Variants in GAB2 observed in about 807,000 individuals in gnomAD.
GAB2 encodes GRB2 associated binding protein 2, also known as GRB2-associated-binding protein 2.
Under a neutral mutation model 65.5 loss-of-function variants are expected in GAB2, and 26 were observed. That is an observed-to-expected ratio of 0.40 (90% confidence interval 0.29 to 0.55). GAB2 has a LOEUF of 0.55. Ranked by LOEUF, GAB2 falls within the 20% of genes least tolerant of loss-of-function variation. GAB2 has a pLI of 0.53. For synonymous variants in GAB2, 321 were observed against 329.6 expected (o/e 0.97, Z 0.28); for missense variants, 884 against 875.8 (o/e 1.01, Z -0.12).
At position 78,217,909 on chromosome 11, in the gene GAB2, G is replaced by A. The variant is rs1381280229; in HGVS notation, c.*1363C>T. On this transcript the variant is annotated 3_prime_UTR_variant, in exon 10 of 10. Coordinates refer to ENST00000361507, the MANE Select transcript of GAB2 (RefSeq NM_080491.3). ...CAGCCATGCCTGATGTGGTCCTCTA[G>A]GCATCATTCTGCCCTGCTTTCTCCT... The A allele has an allele frequency of 6.6e-6, 1 of 152,596 alleles. No homozygotes were observed. Among genetic ancestry groups the A allele is most frequent in the African/African-American group, 2.4e-5 (1 of 41,384 alleles). 9.5% of individuals were successfully genotyped at this position (152,596 alleles called of 1,614,324 possible).
At chr11:78,270,350 G>T (rs199973769) in intron 2 of GAB2, among the ~76,000 whole-genome samples, 1 of 145,836 alleles carries the variant, frequency 6.9e-6, no homozygotes, top group Non-Finnish European at 1.5e-5. Flanking sequence ...AAAAAAAAAA[G>T]AATAGTCAGT....
chr11:78,344,680 T>C (rs758751838), intron 1 of GAB2, among the ~76,000 whole-genome samples: 20 of 152,256 alleles, frequency 1.3e-4, no homozygotes, highest in Admixed American at 3.3e-4. Context: ...GTAAATGTTA[T>C]TCATCTACAC....
At chr11:78,405,667 T>C (rs755985201) in intron 1 of GAB2, among the ~76,000 whole-genome samples, 9 of 152,292 alleles carry the variant, frequency 5.9e-5, no homozygotes, top group Non-Finnish European at 1.2e-4. Flanking sequence ...AGATATTACA[T>C]ATAAAACAAG....
intron 1 of GAB2, among the ~76,000 whole-genome samples, chr11:78,374,856 G>A (rs1856613193): frequency 6.6e-6 from 1 of 152,114 alleles, no homozygotes. Context: ...AAGGTGGATG[G>A]GTAAGGAGGG....
rs112230254 is a variant in GAB2 at position 78,228,773 on chromosome 11, T to C, written c.621-1722A>G. On this transcript the variant is annotated intron_variant, in intron 3 of 9. Coordinates refer to ENST00000361507, the MANE Select transcript of GAB2 (RefSeq NM_080491.3). ...AGACACATAACCAAGCCAACAGCCATGGGCTTGGATGATTGAACATCTAGG... is the reference window on the plus strand; with the variant it reads ...AGACACATAACCAAGCCAACAGCCACGGGCTTGGATGATTGAACATCTAGG... Among the ~76,000 whole-genome samples, 432 of 135,398 alleles carry C rather than the reference T, an allele frequency of 3.2e-3. 2 individuals carry two copies. The highest frequency in any genetic ancestry group is 0.012 in the African/African-American group (400 of 34,646). The allele number at this position is 135,398 out of a possible 152,430, so 88.8% of individuals were successfully genotyped here.
chr11:78,298,426 C>T (rs1461648973), intron 1 of GAB2, among the ~76,000 whole-genome samples: 2 of 152,146 alleles, frequency 1.3e-5, no homozygotes, highest in Admixed American at 1.3e-4. Context: ...TTCTCTGCCT[C>T]TACCACATGA....
At chr11:78,260,774 T>C (rs1865708219) in intron 2 of GAB2, among the ~76,000 whole-genome samples, 1 of 152,210 alleles carries the variant, frequency 6.6e-6, no homozygotes, top group Non-Finnish European at 1.5e-5. Context: ...GCCCAGTCTA[T>C]GCCTTCTAAA....
chr11:78,307,594 CA>C (rs1200635729), intron 1 of GAB2, among the ~76,000 whole-genome samples: 1 of 92,822 alleles, frequency 1.1e-5, no homozygotes, highest in African/African-American at 5.7e-5. Flanking sequence ...CCCATCTCTA[CA>C]AAAAATGTTA....
At chr11:78,255,588 A>G (rs1339527222) in intron 2 of GAB2, among the ~76,000 whole-genome samples, 1 of 152,166 alleles carries the variant, frequency 6.6e-6, no homozygotes, top group Middle Eastern at 3.2e-3. Context: ...CTGTGCCCCA[A>G]TAGATGAGGT....
At chr11:78,220,969 T>G (rs1299283651) in intron 8 of GAB2, among the ~76,000 whole-genome samples, 2 of 152,180 alleles carry the variant, frequency 1.3e-5, no homozygotes, top group Non-Finnish European at 2.9e-5. Context: ...CAAAGCAGCT[T>G]GCTCCCCCGC....
rs548104710 is a variant in GAB2, at chr11:78,280,799, T to C, written c.178A>G (p.Ile60Val). Reference protein sequence around the residue: ...KNDHSKKPLRIINLNFCEQVD... With the variant: ...KNDHSKKPLRVINLNFCEQVD... Reference sequence around the variant, plus strand: ...TGCTCACAGAAGTTCAGGTTGATGATCCGCAGAGGCTTCTTGGAGTGATCG... The same window carrying C: ...TGCTCACAGAAGTTCAGGTTGATGACCCGCAGAGGCTTCTTGGAGTGATCG... Residue 60 changes from isoleucine to valine, a missense_variant, in exon 2 of 10, where the codon ATC (isoleucine) becomes GTC (valine). Transcript: ENST00000361507. The C allele has an allele frequency of 1.9e-4, 303 of 1,614,160 alleles. 6 individuals are homozygous for C. In the South Asian group the frequency reaches 3.2e-3, roughly 17 times the overall value.
chr11:78,374,137 C>T (rs1244953878), intron 1 of GAB2, among the ~76,000 whole-genome samples: 1 of 152,164 alleles, frequency 6.6e-6, no homozygotes, highest in Non-Finnish European at 1.5e-5. Flanking sequence ...TTTAGACACA[C>T]ATTCTAACAG....
At chr11:78,312,718 T>C (rs536464131) in intron 1 of GAB2, among the ~76,000 whole-genome samples, 1 of 152,296 alleles carries the variant, frequency 6.6e-6, no homozygotes, top group South Asian at 2.1e-4. Context: ...CGTGAGCCAC[T>C]GCGCCTGGCC....
rs149541197 is a variant in GAB2 at position 78,416,109 on chromosome 11, C to T, written c.75+1537G>A. Among the ~76,000 whole-genome samples, 842 of 152,124 alleles carry T rather than the reference C, an allele frequency of 5.5e-3. 9 individuals carry two copies. The highest frequency in any genetic ancestry group is 0.019 in the African/African-American group (780 of 41,496). On this transcript the variant is annotated intron_variant, in intron 1 of 9. Coordinates refer to ENST00000361507, the MANE Select transcript of GAB2 (RefSeq NM_080491.3). ...ATCCTAATTAAAATATTCAACCTTCCTAACGAACTGATACAACCCTGAAGA... is the reference window on the plus strand; with the variant it reads ...ATCCTAATTAAAATATTCAACCTTCTTAACGAACTGATACAACCCTGAAGA...
chr11:78,364,697 T>C (rs1005374663), intron 1 of GAB2, among the ~76,000 whole-genome samples: 1 of 152,216 alleles, frequency 6.6e-6, no homozygotes, highest in Non-Finnish European at 1.5e-5. Flanking sequence ...AATGCTGTGA[T>C]AGGCCTTGAG....
At chr11:78,348,898 C>G (rs1006424884) in intron 1 of GAB2, among the ~76,000 whole-genome samples, 1 of 152,196 alleles carries the variant, frequency 6.6e-6, no homozygotes, top group Non-Finnish European at 1.5e-5. Flanking sequence ...ACAACATGGA[C>G]ACATCCAGAA....
chr11:78,262,558 G>A (rs1439451088), intron 2 of GAB2, among the ~76,000 whole-genome samples: 1 of 152,132 alleles, frequency 6.6e-6, no homozygotes, highest in Non-Finnish European at 1.5e-5. Flanking sequence ...GCTGAGTAGA[G>A]GACTTCAGCT....
rs576302969 is a variant in GAB2, at chr11:78,374,314, A to T, written c.75+43332T>A. ...TTATTAAGACCAAGGTCTACAATAC[A>T]AATAATCCGGTATTTGTCACAGGTT... On this transcript the variant is annotated intron_variant, in intron 1 of 9. Coordinates refer to ENST00000361507, the MANE Select transcript of GAB2 (RefSeq NM_080491.3). Among the ~76,000 whole-genome samples, 9 of 152,342 alleles carry T rather than the reference A, an allele frequency of 5.9e-5. No homozygotes were observed. In the South Asian group the frequency reaches 1.4e-3, roughly 25 times the overall value.
chr11:78,320,588 G>A (rs1410037745), intron 1 of GAB2, among the ~76,000 whole-genome samples: 1 of 151,968 alleles, frequency 6.6e-6, no homozygotes, highest in Non-Finnish European at 1.5e-5. Flanking sequence ...ATACTAACTG[G>A]GAGATTTTTT....
Sources: gnomAD v4.1 joint callset for allele counts (sites outside exome capture counted in the v4.1 genomes callset) on GRCh38, gnomAD v4.1.1 for gene constraint, MANE v1.5 for transcripts, NCBI Gene and HGNC (gene_info 2026-07-23, HGNC 2026-07-21) for gene names.